Variants in SYN3 observed in about 807,000 individuals in gnomAD.
SYN3 encodes synapsin III.
In SYN3, 35 loss-of-function variants were observed where a neutral mutation model predicts 65.8. The observed-to-expected ratio is 0.53, with a 90% CI of 0.41 to 0.70. The LOEUF is 0.70. Among genes scored for constraint, SYN3 ranks in the 30% least tolerant of loss-of-function variants. The pLI is 0.00. For synonymous variants in SYN3, 270 were observed against 292.9 expected (o/e 0.92, Z 0.80); for missense variants, 680 against 749.0 (o/e 0.91, Z 1.08).
intron 9 of SYN3, among the ~76,000 whole-genome samples, chr22:32,535,004 T>G (rs766858966): frequency 6.6e-6 from 1 of 152,088 alleles, no homozygotes; most frequent in Non-Finnish European, 1.5e-5. Flanking sequence ...CCCATGGAGC[T>G]CCTGGTATGT....
chr22:32,681,409 GGATATTTACCTTGT>G (rs2060521106), intron 6 of SYN3, among the ~76,000 whole-genome samples: 1 of 152,170 alleles, frequency 6.6e-6, no homozygotes, highest in African/African-American at 2.4e-5. Flanking sequence ...GGCAATGTCT[GGATATTTACCTTGT>G]GCCTGGATTT....
At chr22:32,525,658 C>T (rs1053160870) in intron 12 of SYN3, among the ~76,000 whole-genome samples, 2 of 147,028 alleles carry the variant, frequency 1.4e-5, no homozygotes, top group African/African-American at 2.5e-5. Flanking sequence ...TTGCAGTGAG[C>T]GGAGATCACG....
intron 6 of SYN3, among the ~76,000 whole-genome samples, chr22:32,748,706 A>T (rs971382828): frequency 6.6e-6 from 1 of 152,132 alleles, no homozygotes; most frequent in Non-Finnish European, 1.5e-5. Context: ...TTGTGGGGAG[A>T]TGGACTCAGG....
intron 7 of SYN3, among the ~76,000 whole-genome samples, chr22:32,564,784 C>T (rs567114374): frequency 1.9e-4 from 27 of 143,262 alleles, no homozygotes; most frequent in Non-Finnish European, 3.8e-4. Flanking sequence ...AAACAGTGCT[C>T]CTGGGCTGCA....
intron 6 of SYN3, among the ~76,000 whole-genome samples, chr22:32,700,790 C>A (rs2060801220): frequency 6.6e-6 from 1 of 152,190 alleles, no homozygotes; most frequent in Non-Finnish European, 1.5e-5. Flanking sequence ...CTGTATTGAA[C>A]TTCAGACCAG....
At chr22:32,818,566 A>G (rs1284954302) in intron 6 of SYN3, among the ~76,000 whole-genome samples, 1 of 152,186 alleles carries the variant, frequency 6.6e-6, no homozygotes, top group African/African-American at 2.4e-5. Context: ...AAAGGAGGAA[A>G]GGAAACAGAA....
At chr22:33,044,471 CAA>C (rs1481691628) in intron 1 of SYN3, among the ~76,000 whole-genome samples, 1 of 152,120 alleles carries the variant, frequency 6.6e-6, no homozygotes, top group Non-Finnish European at 1.5e-5. Context: ...CACAGGAGGT[CAA>C]GTGACTCCCA....
At chr22:33,054,112 A>G (rs1292765784) in intron 1 of SYN3, among the ~76,000 whole-genome samples, 4 of 152,190 alleles carry the variant, frequency 2.6e-5, no homozygotes, top group Non-Finnish European at 1.5e-5. Flanking sequence ...AGATCAAATT[A>G]AAGAATGATC....
At chr22:32,910,766 T>C (rs897921931) in intron 4 of SYN3, among the ~76,000 whole-genome samples, 1 of 152,220 alleles carries the variant, frequency 6.6e-6, no homozygotes, top group African/African-American at 2.4e-5. Context: ...GTTCAGAGGA[T>C]TCAAGGAATT....
intron 6 of SYN3, among the ~76,000 whole-genome samples, chr22:32,639,627 C>T (rs1469267207): frequency 2.8e-5 from 4 of 140,968 alleles, no homozygotes; most frequent in African/African-American, 1.1e-4. Context: ...TAGCTCACTG[C>T]AGCCTCGATC....
At chr22:32,915,982 A>T (rs1296926127) in intron 4 of SYN3, among the ~76,000 whole-genome samples, 1 of 152,156 alleles carries the variant, frequency 6.6e-6, no homozygotes, top group Non-Finnish European at 1.5e-5. Context: ...CACTAGAATG[A>T]GGGAGAAGTT....
chr22:32,871,022 T>G (rs2048836363), intron 4 of SYN3, among the ~76,000 whole-genome samples: 1 of 152,208 alleles, frequency 6.6e-6, no homozygotes, highest in African/African-American at 2.4e-5. Flanking sequence ...ATGGCCCTGG[T>G]TCTGACAATG....
At chr22:32,522,020 G>A (rs561946655) in intron 12 of SYN3, among the ~76,000 whole-genome samples, 6 of 152,000 alleles carry the variant, frequency 3.9e-5, no homozygotes, top group South Asian at 4.1e-4. Context: ...TATTTCTTTC[G>A]GCTTCTTGGC....
At chr22:32,889,771 T>A (rs1159019019) in intron 4 of SYN3, among the ~76,000 whole-genome samples, 1 of 152,092 alleles carries the variant, frequency 6.6e-6, no homozygotes, top group East Asian at 1.9e-4. Flanking sequence ...ATTTAGATTT[T>A]AAAAAATATA....
intron 4 of SYN3, among the ~76,000 whole-genome samples, chr22:32,901,850 C>T (rs1004676148): frequency 4.6e-5 from 7 of 152,226 alleles, no homozygotes; most frequent in African/African-American, 2.4e-5. Context: ...TTCTGCCTTA[C>T]GATGTCAACC....
intron 6 of SYN3, among the ~76,000 whole-genome samples, chr22:32,616,745 G>C (rs1349981748): frequency 1.3e-5 from 2 of 152,140 alleles, no homozygotes; most frequent in Non-Finnish European, 2.9e-5. Flanking sequence ...TCAACATTCA[G>C]GAGAATTACG....
intron 6 of SYN3, among the ~76,000 whole-genome samples, chr22:32,815,674 A>G (rs1215233820): frequency 6.6e-6 from 1 of 152,206 alleles, no homozygotes; most frequent in Non-Finnish European, 1.5e-5. Flanking sequence ...CATACATGTC[A>G]GAAATTATTA....
chr22:32,800,105 T>C (rs1417163537), intron 6 of SYN3, among the ~76,000 whole-genome samples: 2 of 152,180 alleles, frequency 1.3e-5, no homozygotes, highest in Non-Finnish European at 2.9e-5. Flanking sequence ...TTCTTGGAAA[T>C]ACCATCTCTC....
intron 6 of SYN3, among the ~76,000 whole-genome samples, chr22:32,735,705 G>A (rs565825408): frequency 1.1e-4 from 16 of 152,230 alleles, no homozygotes; most frequent in African/African-American, 2.9e-4. Flanking sequence ...CCTGAAACAC[G>A]GTCAGCAGCC....
Sources: allele counts gnomAD v4.1 joint callset (sites outside exome capture counted in the v4.1 genomes callset), GRCh38; gene constraint gnomAD v4.1.1; transcripts MANE v1.5; gene names NCBI Gene and HGNC (gene_info 2026-07-23, HGNC 2026-07-21).